PHLPP2: variants seen among roughly 807,000 people sequenced by gnomAD.
The protein encoded by PHLPP2 is PH domain leucine-rich repeat-containing protein phosphatase 2.
PHLPP2 carries 66 observed loss-of-function variants against 124.9 expected under a neutral mutation model. The ratio of observed to expected loss-of-function variants is 0.53; its 90% CI spans 0.43 to 0.65. The LOEUF (loss-of-function observed/expected upper bound fraction) is 0.65. Among genes scored for constraint, PHLPP2 ranks in the 30% least tolerant of loss-of-function variants. PHLPP2 has a pLI of 0.00. For synonymous variants in PHLPP2, 681 were observed against 624.7 expected, an observed-to-expected ratio of 1.09 and a Z score of -1.34; for missense variants, 1,685 against 1,600.4, an observed-to-expected ratio of 1.05 and a Z score of -0.90.
At position 71,646,395 on chromosome 16, in the gene PHLPP2, C is replaced by A. The variant is rs908577999; in HGVS notation, c.*2495G>T. 6.6e-6 allele frequency: 1 copy of A among 152,070 alleles called. No individual in the cohort carries two copies. Among genetic ancestry groups the A allele is most frequent in the Non-Finnish European group, 1.5e-5 (1 of 68,016 alleles). The allele number at this position is 152,070 out of a possible 1,614,324, so 9.4% of individuals were successfully genotyped here. On this transcript the variant is annotated 3_prime_UTR_variant, in exon 19 of 19. Transcript: ENST00000568954. Reference sequence around the variant, plus strand: ...GTTCCTGAAAAAAAATTCTACCACACAGAACAACATTTGGAATTACAGAGT... The same window carrying A: ...GTTCCTGAAAAAAAATTCTACCACAAAGAACAACATTTGGAATTACAGAGT...
intron 2 of PHLPP2, among the ~76,000 whole-genome samples, chr16:71,712,521 G>A (rs1349357086): frequency 6.6e-6 from 1 of 152,054 alleles, no homozygotes; most frequent in Admixed American, 6.6e-5. Context: ...ACTTAAATAA[G>A]TTAATCAATC....
intron 13 of PHLPP2, among the ~76,000 whole-genome samples, chr16:71,660,462 G>A (rs2044779548): frequency 1.0e-5 from 1 of 98,332 alleles, no homozygotes; most frequent in Non-Finnish European, 1.8e-5. Flanking sequence ...GTCTTGCTCT[G>A]TTGCCCAGGC....
chr16:71,656,454 A>G (rs1350268964), intron 16 of PHLPP2, 117 bp downstream of exon 16: 2 of 631,392 alleles, frequency 3.2e-6, no homozygotes, highest in Non-Finnish European at 5.7e-6. Context: ...CTGATGTTCT[A>G]TGATTTGTCT....
chr16:71,668,789 G>A (rs2044864278), intron 11 of PHLPP2, among the ~76,000 whole-genome samples: 1 of 152,122 alleles, frequency 6.6e-6, no homozygotes, highest in African/African-American at 2.4e-5. Flanking sequence ...ACCTTCAAAT[G>A]CCAGCTCCCG....
intron 1 of PHLPP2, among the ~76,000 whole-genome samples, chr16:71,718,365 G>C (rs984071213): frequency 6.6e-6 from 1 of 151,992 alleles, no homozygotes; most frequent in African/African-American, 2.4e-5. Flanking sequence ...GGATCACAAG[G>C]TCAGGAGTTC....
At chr16:71,693,233 G>C (rs2045133455) in intron 3 of PHLPP2, among the ~76,000 whole-genome samples, 1 of 152,166 alleles carries the variant, frequency 6.6e-6, no homozygotes, top group African/African-American at 2.4e-5. Flanking sequence ...GTTGCAGTGA[G>C]CTGAGATCGC....
At chr16:71,701,231 G>A (rs561204856) in intron 3 of PHLPP2, among the ~76,000 whole-genome samples, 2 of 152,162 alleles carry the variant, frequency 1.3e-5, no homozygotes, top group African/African-American at 4.8e-5. Context: ...TAACTTTTGA[G>A]GCAATTTGTT....
chr16:71,708,447 A>G (rs2045298977), intron 2 of PHLPP2, among the ~76,000 whole-genome samples: 1 of 151,884 alleles, frequency 6.6e-6, no homozygotes, highest in South Asian at 2.1e-4. Context: ...ATCCTATAAA[A>G]CTGCCCCACC....
intron 1 of PHLPP2, among the ~76,000 whole-genome samples, chr16:71,719,820 C>G (rs2045386379): frequency 6.6e-6 from 1 of 151,990 alleles, no homozygotes; most frequent in Non-Finnish European, 1.5e-5. Flanking sequence ...TTTTTGGAGA[C>G]AGCATCTCCC....
rs201211632 is a variant in PHLPP2, at chr16:71,648,901, T to C, written c.3961A>G (p.Thr1321Ala). The change falls in exon 19 of 19, where the codon ACA becomes GCA. Residue 1321 changes from threonine (T) to alanine (A), a missense_variant. Transcript: ENST00000568954. ...DRTEPPEEFDTAL is the reference protein window; with the variant it reads ...DRTEPPEEFDAAL ...GCCCAGTGGGGCAGTCATAGTGCTG[T>C]GTCGAACTCCTCCGGGGGCTCGGTC... The C allele has an allele frequency of 1.1e-5, 17 of 1,611,876 alleles. No homozygotes were observed. Among genetic ancestry groups the C allele is most frequent in the Non-Finnish European group, 1.3e-5 (15 of 1,179,604 alleles).
At chr16:71,703,224 CA>C (rs938580077) in intron 2 of PHLPP2, among the ~76,000 whole-genome samples, 1 of 152,106 alleles carries the variant, frequency 6.6e-6, no homozygotes, top group African/African-American at 2.4e-5. Flanking sequence ...CTAATCTAAA[CA>C]AGTGTTTTTT....
intron 3 of PHLPP2, among the ~76,000 whole-genome samples, chr16:71,693,767 A>G (rs962171683): frequency 1.3e-5 from 2 of 152,184 alleles, no homozygotes; most frequent in African/African-American, 4.8e-5. Context: ...AACGTTGTCA[A>G]TTTTTAAAGA....
intron 12 of PHLPP2, among the ~76,000 whole-genome samples, chr16:71,665,095 G>T (rs907079399): frequency 4.6e-5 from 7 of 152,152 alleles, no homozygotes; most frequent in African/African-American, 7.2e-5. Context: ...GGATCACGAG[G>T]TCAGGAGATG....
chr16:71,676,631 G>C lies in PHLPP2; in HGVS notation c.1287C>G (p.Thr429=). 1 of 1,611,756 alleles carries C rather than the reference G, an allele frequency of 6.2e-7. No individual in the cohort carries two copies. Among genetic ancestry groups the C allele is most frequent in the Non-Finnish European group, 8.5e-7 (1 of 1,177,894 alleles). The change falls in exon 9 of 19, where the codon ACC becomes ACG. Residue 429 remains threonine (T), a synonymous_variant. Transcript: ENST00000568954. ...TTCCCTCCAGATTTTCAATAACCAT[G>C]GTTTTCAAATGGTTCATCCTTAATA... ...HVDLRMNHLK[T]MVIENLEGNK... is the part of the protein sequence containing the mutation.
At chr16:71,672,057 C>A (rs2044898908) in intron 10 of PHLPP2, among the ~76,000 whole-genome samples, 1 of 152,168 alleles carries the variant, frequency 6.6e-6, no homozygotes, top group South Asian at 2.1e-4. Context: ...AAGAGTAATT[C>A]ACAGACACCT....
intron 7 of PHLPP2, 127 bp from the exon 8 acceptor site, chr16:71,679,112 C>T (rs1238386204): frequency 1.6e-6 from 1 of 642,884 alleles, no homozygotes; most frequent in Non-Finnish European, 2.7e-6. Flanking sequence ...AGTGTCCTAA[C>T]TCTCCATCTA....
At position 71,658,818 on chromosome 16, in the gene PHLPP2, G is replaced by A; in HGVS notation, c.1986-3C>T. 2 of 1,613,618 alleles carry A rather than the reference G, an allele frequency of 1.2e-6. No homozygotes were observed. Among genetic ancestry groups the A allele is most frequent in the Non-Finnish European group, 1.7e-6 (2 of 1,179,730 alleles). ...ATTGCTCCAATTTATTTAGTTTGCT[G>A]AAAAAGAAACAACAGAATACTATAA... On this transcript the variant is annotated splice_polypyrimidine_tract_variant and splice_region_variant and intron_variant, in intron 13 of 18. Coordinates refer to ENST00000568954, the MANE Select transcript of PHLPP2 (RefSeq NM_015020.3).
Position 71,645,802 on chromosome 16 carries a change from G to T in PHLPP2, c.*3088C>A, listed in dbSNP as rs2145296130. The T allele has an allele frequency of 6.5e-6, 1 of 152,932 alleles. No individual in the cohort carries two copies. Among genetic ancestry groups the T allele is most frequent in the South Asian group, 2.1e-4 (1 of 4,820 alleles). 9.5% of individuals were successfully genotyped at this position (152,932 alleles called of 1,614,324 possible). A position where few individuals can be genotyped will look rare whatever the true frequency, so the allele number is the denominator to read the frequency against. ...TACAATAAAGCCCTGTATCAGGAGT[G>T]GTAATTCAATGACTTGACTCTATAG... On this transcript the variant is annotated 3_prime_UTR_variant, in exon 19 of 19. Transcript: ENST00000568954.
rs1437827763 is a variant in PHLPP2, at chr16:71,684,468, C to T, written c.735+8G>A. On this transcript the variant is annotated splice_region_variant and intron_variant, in intron 5 of 18. Coordinates refer to ENST00000568954, the MANE Select transcript of PHLPP2 (RefSeq NM_015020.3). Reference sequence around the variant, plus strand: ...ATCTCCACATCAGAACATCCCATTACTTTTCACCTTGGATGCTTGCCGTTG... The same window carrying T: ...ATCTCCACATCAGAACATCCCATTATTTTTCACCTTGGATGCTTGCCGTTG... The T allele has an allele frequency of 3.1e-6, 5 of 1,613,662 alleles. No homozygotes were observed. In the South Asian group the frequency reaches 5.5e-5, roughly 18 times the overall value.
Sources: gnomAD v4.1 joint callset for allele counts (sites outside exome capture counted in the v4.1 genomes callset) on GRCh38, gnomAD v4.1.1 for gene constraint, MANE v1.5 for transcripts, NCBI Gene and HGNC (gene_info 2026-07-23, HGNC 2026-07-21) for gene names.